Variants in CAMK2A observed in about 807,000 individuals in gnomAD.
CAMK2A encodes the protein calcium/calmodulin dependent protein kinase II alpha.
Under a neutral mutation model 79.2 loss-of-function variants are expected in CAMK2A, and 7 were observed. The ratio of observed to expected loss-of-function variants is 0.09; its 90% CI spans 0.05 to 0.17. CAMK2A has a LOEUF of 0.17. CAMK2A is among the 10% of genes least tolerant of loss of function. CAMK2A has a pLI of 1.00. For synonymous variants in CAMK2A, 242 were observed against 251.7 expected (o/e 0.96, Z 0.36); for missense variants, 214 against 646.4 (o/e 0.33, Z 7.25).
intron 6 of CAMK2A, among the ~76,000 whole-genome samples, chr5:150,255,715 C>G (rs1756027452): frequency 6.6e-6 from 1 of 152,190 alleles, no homozygotes; most frequent in Admixed American, 6.5e-5. Context: ...CTGGCAGGGT[C>G]ACCCTAGAAG....
intron 3 of CAMK2A, among the ~76,000 whole-genome samples, chr5:150,258,023 G>A (rs994624480): frequency 3.9e-5 from 6 of 152,360 alleles, no homozygotes; most frequent in Admixed American, 2.0e-4. Context: ...CAATGAGAAT[G>A]AAACTCCTGG....
At chr5:150,271,449 G>A (rs958385536) in intron 2 of CAMK2A, among the ~76,000 whole-genome samples, 2 of 152,188 alleles carry the variant, frequency 1.3e-5, no homozygotes, top group Non-Finnish European at 2.9e-5. Context: ...AGGCCTGCCG[G>A]GAGGCCTGCG....
chr5:150,245,802 T>C (rs1755543393), intron 12 of CAMK2A, among the ~76,000 whole-genome samples: 1 of 152,208 alleles, frequency 6.6e-6, no homozygotes, highest in African/African-American at 2.4e-5. Flanking sequence ...GAGCCCCATA[T>C]TGGCACTGGC....
intron 1 of CAMK2A, among the ~76,000 whole-genome samples, chr5:150,282,454 A>C (rs1260108641): frequency 6.6e-6 from 1 of 152,248 alleles, no homozygotes; most frequent in Admixed American, 6.5e-5. Flanking sequence ...GGACATGCCA[A>C]GGGGTGACTT....
chr5:150,250,949 C>T, intron 9 of CAMK2A, 139 bp from the exon 10 acceptor site: 2 of 946,118 alleles, frequency 2.1e-6, no homozygotes, highest in African/African-American at 1.6e-5. Context: ...GGAGTTGGGG[C>T]TCCTCACTGC....
rs1360271501 is a variant in CAMK2A at position 150,223,936 on chromosome 5, T to G, written c.1238-719A>C. Among the ~76,000 whole-genome samples the G allele has an allele frequency of 6.6e-6, 1 of 152,228 alleles. No individual in the cohort carries two copies. Among genetic ancestry groups the G allele is most frequent in the African/African-American group, 2.4e-5 (1 of 41,464 alleles). The stretch of plus-strand genomic sequence containing the variant: ...CTGAAGTATATCTACTTCTACTGTA[T>G]ATCTACTTCTACTGTAGATATACAG... On this transcript the variant is annotated intron_variant, in intron 17 of 18. Transcript: ENST00000671881. This position sits in a 1 kb window ranked among gnomAD's most constrained non-coding sequence, Gnocchi z 4.1.
intron 17 of CAMK2A, among the ~76,000 whole-genome samples, chr5:150,227,652 C>T (rs1482697108): frequency 6.6e-6 from 1 of 152,146 alleles, no homozygotes; most frequent in Non-Finnish European, 1.5e-5. Context: ...AAAGGAGAGG[C>T]CCAGGAAGGA....
At chr5:150,260,875 G>T (rs943387044) in intron 3 of CAMK2A, among the ~76,000 whole-genome samples, 3 of 152,162 alleles carry the variant, frequency 2.0e-5, no homozygotes, top group Non-Finnish European at 4.4e-5. Context: ...CGTGGTCTCT[G>T]GGGAGTGAAC....
chr5:150,228,082 G>T, intron 17 of CAMK2A, 110 bp downstream of exon 17: 3 of 852,306 alleles, frequency 3.5e-6, no homozygotes, highest in Non-Finnish European at 3.7e-6. Flanking sequence ...CTTCCTCTTC[G>T]CTGGCTCCTG....
At position 150,250,796 on chromosome 5, in the gene CAMK2A, T is replaced by C. The variant is rs1401079102; in HGVS notation, c.708A>G (p.Glu236=). ...KAGAYDFPSP[E]WDTVTPEAKD... Reference sequence around the variant, plus strand: ...TGGCTTCCGGGGTGACAGTGTCCCATTCCGGCGATGGGAACTGGAAGGGGC... The same window carrying C: ...TGGCTTCCGGGGTGACAGTGTCCCACTCCGGCGATGGGAACTGGAAGGGGC... Residue 236 remains glutamate (E), a synonymous_variant, in exon 10 of 19, where the codon GAA becomes GAG. Coordinates refer to ENST00000671881, the MANE Select transcript of CAMK2A (RefSeq NM_015981.4). 1.2e-6 allele frequency: 2 copies of C among 1,613,884 alleles called. No homozygotes were observed. Among genetic ancestry groups the C allele is most frequent in the South Asian group, 1.1e-5 (1 of 91,082 alleles).
chr5:150,264,902 G>T, intron 3 of CAMK2A, 54 bp downstream of exon 3: 1 of 1,407,336 alleles, frequency 7.1e-7, no homozygotes, highest in Non-Finnish European at 1.0e-6. Context: ...TGCCAGGGTG[G>T]GCAGGGGAGC....
chr5:150,256,630 C>T lies in CAMK2A; in HGVS notation c.354G>A (p.Gln118=), dbSNP rs770381077. The T allele has an allele frequency of 6.2e-6, 10 of 1,613,826 alleles. No homozygotes were observed. The Admixed American group carries it at 1.0e-4, about 16-fold the overall frequency. The stretch of plus-strand genomic sequence containing the variant: ...GGCAGTGCAGCACAGCCTCCAGGAT[C>T]TGCTGGATACAGTGACTAGGGAGAG... ...SEADASHCIQ[Q]ILEAVLHCHQ... Residue 118 remains glutamine (Q), a synonymous_variant, in exon 6 of 19, where the codon CAG becomes CAA. Coordinates refer to ENST00000671881, the MANE Select transcript of CAMK2A (RefSeq NM_015981.4). The surrounding 1 kb of genome is among the most constrained non-coding windows in gnomAD (Gnocchi z 4.6).
At chr5:150,262,884 C>T (rs184154469) in intron 3 of CAMK2A, among the ~76,000 whole-genome samples, 1 of 152,224 alleles carries the variant, frequency 6.6e-6, no homozygotes. Flanking sequence ...GACTGCAAAC[C>T]CCATTCTCCT....
chr5:150,221,407 G>T lies in CAMK2A; in HGVS notation c.*1303C>A, dbSNP rs1025524841. 2.5e-6 allele frequency: 1 copy of T among 398,764 alleles called. No homozygotes were observed. Among genetic ancestry groups the T allele is most frequent in the Non-Finnish European group, 4.4e-6 (1 of 226,082 alleles). The allele number at this position is 398,764 out of a possible 1,614,324, so 24.7% of individuals were successfully genotyped here. A position where few individuals can be genotyped will look rare whatever the true frequency, so the allele number is the denominator to read the frequency against. On this transcript the variant is annotated 3_prime_UTR_variant, in exon 19 of 19. Coordinates refer to ENST00000671881, the MANE Select transcript of CAMK2A (RefSeq NM_015981.4). ...CAGACGCCAAGGGGAGAGAGGCAAT[G>T]AAGACACACGCTCACGGGCCCCCCA... is the stretch of plus-strand genomic sequence containing the variant.
intron 7 of CAMK2A, 152 bp from the exon 8 acceptor site, chr5:150,252,217 G>A (rs1755867919): frequency 3.1e-6 from 2 of 649,954 alleles, no homozygotes; most frequent in African/African-American, 1.8e-5. Context: ...CTTGTATTGT[G>A]CAACCCCAGT....
In CAMK2A at chr5:150,223,591, G is replaced by A. The variant is rs1054845137; in HGVS notation, c.1238-374C>T. On this transcript the variant is annotated intron_variant, in intron 17 of 18. Transcript: ENST00000671881. The surrounding 1 kb of genome is among the most constrained non-coding windows in gnomAD (Gnocchi z 4.1). ...GGTACCAGGCAGGCACATAAACAACGGGGGCTGAGCTGGGTATAAGATGCT... is the reference window on the plus strand; with the variant it reads ...GGTACCAGGCAGGCACATAAACAACAGGGGCTGAGCTGGGTATAAGATGCT... Among the ~76,000 whole-genome samples the A allele has an allele frequency of 3.3e-5, 5 of 152,268 alleles. No individual in the cohort carries two copies. The highest frequency in any genetic ancestry group is 5.9e-5 in the Non-Finnish European group (4 of 68,020).
intron 16 of CAMK2A, among the ~76,000 whole-genome samples, chr5:150,229,979 G>A (rs1754769346): frequency 6.6e-6 from 1 of 152,104 alleles, no homozygotes; most frequent in Non-Finnish European, 1.5e-5. Context: ...CCTTCTAGGG[G>A]GCTTTGCCAC....
chr5:150,234,019 G>A (rs992497618), intron 15 of CAMK2A, among the ~76,000 whole-genome samples: 99 of 152,124 alleles, frequency 6.5e-4, no homozygotes, highest in African/African-American at 2.1e-3. Context: ...CACCATGTTG[G>A]CCAGGCTGGT....
intron 17 of CAMK2A, among the ~76,000 whole-genome samples, chr5:150,225,167 A>C (rs1293322364): frequency 6.6e-6 from 1 of 151,946 alleles, no homozygotes. Context: ...ATCTAGAACA[A>C]TCCCAGAAGG....
Sources: gnomAD v4.1 joint callset for allele counts (sites outside exome capture counted in the v4.1 genomes callset) on GRCh38, gnomAD v4.1.1 for gene constraint, Gnocchi (gnomAD v3.1) non-coding constraint, MANE v1.5 for transcripts, NCBI Gene and HGNC (gene_info 2026-07-23, HGNC 2026-07-21) for gene names.